The following KCNB2 variants were observed in gnomAD, a reference collection of about 807,000 sequenced individuals.
KCNB2 encodes potassium voltage-gated channel subfamily B member 2.
In KCNB2, 15 loss-of-function variants were observed where a neutral mutation model predicts 61.5. The observed-to-expected ratio is 0.24, with a 90% confidence interval of 0.16 to 0.38. The LOEUF is 0.38. Among genes scored for constraint, KCNB2 ranks in the 10% least tolerant of loss-of-function variants. The probability of loss-of-function intolerance (pLI) is 1.00; values close to 1 mark genes in which losing one functional copy is unlikely to be tolerated. For missense variants in KCNB2, 828 were observed against 1,125.2 expected (o/e 0.74, Z 3.78); for synonymous variants, 457 against 446.0 (o/e 1.02, Z -0.31).
At chr8:72,702,407 G>C (rs1807148160) in intron 2 of KCNB2, among the ~76,000 whole-genome samples, 1 of 152,162 alleles carries the variant, frequency 6.6e-6, no homozygotes, top group Admixed American at 6.6e-5. Context: ...GCAGTATGGA[G>C]TCTGTACCAG....
At chr8:72,784,838 C>A (rs1024353797) in intron 2 of KCNB2, among the ~76,000 whole-genome samples, 3 of 152,112 alleles carry the variant, frequency 2.0e-5, no homozygotes, top group African/African-American at 7.2e-5. Flanking sequence ...AGGGACTATT[C>A]GTCTTTATTT....
At chr8:72,571,792 C>T (rs994742677) in intron 2 of KCNB2, among the ~76,000 whole-genome samples, 2 of 152,124 alleles carry the variant, frequency 1.3e-5, no homozygotes, top group Non-Finnish European at 2.9e-5. Context: ...TTCATAGGAT[C>T]GTGCAAGGGG....
intron 2 of KCNB2, among the ~76,000 whole-genome samples, chr8:72,630,746 C>T (rs142056661): frequency 6.6e-6 from 1 of 152,134 alleles, no homozygotes; most frequent in East Asian, 1.9e-4. Flanking sequence ...GTAACCTATA[C>T]CTAAAGTTTT....
chr8:72,553,198 A>G (rs1004157274), intron 1 of KCNB2, among the ~76,000 whole-genome samples: 41 of 152,186 alleles, frequency 2.7e-4, no homozygotes, highest in African/African-American at 9.6e-4. Flanking sequence ...AATAATTTCA[A>G]TATCAATATA....
At chr8:72,885,208 C>G (rs1306795363) in intron 2 of KCNB2, among the ~76,000 whole-genome samples, 2 of 152,058 alleles carry the variant, frequency 1.3e-5, no homozygotes, top group Non-Finnish European at 2.9e-5. Flanking sequence ...GTCATACATA[C>G]TACTGACCTA....
intron 2 of KCNB2, among the ~76,000 whole-genome samples, chr8:72,785,771 G>T (rs117076680): frequency 6.6e-6 from 1 of 152,204 alleles, no homozygotes; most frequent in Non-Finnish European, 1.5e-5. Flanking sequence ...GGTTTAAATA[G>T]ATTCAGGAAC....
At chr8:72,868,274 A>G (rs1805563813) in intron 2 of KCNB2, among the ~76,000 whole-genome samples, 2 of 151,216 alleles carry the variant, frequency 1.3e-5, no homozygotes, top group South Asian at 2.1e-4. Context: ...CATGCTTTCC[A>G]ATTCTAATAA....
intron 2 of KCNB2, among the ~76,000 whole-genome samples, chr8:72,899,729 T>C (rs1806054465): frequency 1.3e-5 from 2 of 151,962 alleles, no homozygotes; most frequent in African/African-American, 4.8e-5. Context: ...AAATCAGAGA[T>C]CACATAAATA....
Position 72,785,881 on chromosome 8 carries a change from A to G in KCNB2, c.580-150054A>G, listed in dbSNP as rs201573313. 3.3e-5 allele frequency among the ~76,000 whole-genome samples: 5 copies of G among 152,260 alleles called. No homozygotes were observed. The East Asian group carries it at 9.6e-4, about 29-fold the overall frequency. On this transcript the variant is annotated intron_variant, in intron 2 of 2. Transcript: ENST00000523207. ...CTGAATGAGACACATCATGGGTTTC[A>G]TATTTAATGATATATTTCCCCATAA...
At chr8:72,625,622 G>A (rs974828236) in intron 2 of KCNB2, among the ~76,000 whole-genome samples, 1 of 151,968 alleles carries the variant, frequency 6.6e-6, no homozygotes, top group Admixed American at 6.6e-5. Flanking sequence ...CTAGAGACAG[G>A]GTCTCACTTT....
intron 2 of KCNB2, among the ~76,000 whole-genome samples, chr8:72,668,876 A>G (rs768834786): frequency 1.3e-5 from 2 of 152,062 alleles, no homozygotes; most frequent in South Asian, 4.1e-4. Flanking sequence ...TTCAAAAGAC[A>G]TTTGTCGAAT....
intron 2 of KCNB2, among the ~76,000 whole-genome samples, chr8:72,913,110 TA>T (rs1231808348): frequency 2.0e-5 from 3 of 152,096 alleles, no homozygotes; most frequent in African/African-American, 7.2e-5. Context: ...AAAGTGAATA[TA>T]AGTAAAAAGA....
Position 72,937,919 on chromosome 8 carries a change from C to T in KCNB2, c.2564C>T (p.Ser855Phe). The change falls in exon 3 of 3, where the codon TCC (serine) becomes TTC (phenylalanine). Residue 855 changes from serine (S) to phenylalanine (F), a missense_variant. Around this residue, in one of 4 missense-constraint regions of KCNB2, gnomAD observed 559 missense variants for 588.4 expected, o/e 0.95. Transcript: ENST00000523207. ...GAAGAGGGCAGTGTGGGCTCTTCCT[C>T]CCCGCAGGACACAGGTCACAACTGT... Reference protein sequence around the residue: ...LREEGSVGSSSPQDTGHNCRQ... With the variant: ...LREEGSVGSSFPQDTGHNCRQ... The T allele has an allele frequency of 6.2e-7, 1 of 1,614,092 alleles. No individual in the cohort carries two copies. Among genetic ancestry groups the T allele is most frequent in the African/African-American group, 1.3e-5 (1 of 75,030 alleles).
At chr8:72,654,438 G>T (rs1006554660) in intron 2 of KCNB2, among the ~76,000 whole-genome samples, 4 of 152,106 alleles carry the variant, frequency 2.6e-5, no homozygotes, top group Middle Eastern at 3.2e-3. Flanking sequence ...ATCTCTAGAA[G>T]AGTGCAACAT....
intron 2 of KCNB2, among the ~76,000 whole-genome samples, chr8:72,934,734 G>A (rs1277614928): frequency 2.0e-5 from 3 of 152,018 alleles, no homozygotes; most frequent in South Asian, 2.1e-4. Context: ...ATGAAACCAA[G>A]CCAGACCTAA....
chr8:72,936,927 G>A lies in KCNB2; in HGVS notation c.1572G>A (p.Leu524=), dbSNP rs1806916218. ...EVSQKDSHEQ[L]NNTSSSSPQH... is the part of the protein sequence containing the mutation. ...GCCAAAAAGACTCCCACGAGCAGCTGAACAACACGTCTTCCTCCAGCCCAC... is the reference window on the plus strand; with the variant it reads ...GCCAAAAAGACTCCCACGAGCAGCTAAACAACACGTCTTCCTCCAGCCCAC... Residue 524 remains leucine (L), a synonymous_variant, in exon 3 of 3, where the codon CTG becomes CTA. Coordinates refer to ENST00000523207, the MANE Select transcript of KCNB2 (RefSeq NM_004770.3). The surrounding 1 kb of genome is among the most constrained non-coding windows in gnomAD (Gnocchi z 5.6). The A allele has an allele frequency of 6.2e-7, 1 of 1,614,150 alleles. No individual in the cohort carries two copies. Among genetic ancestry groups the A allele is most frequent in the East Asian group, 2.2e-5 (1 of 44,882 alleles).
At chr8:72,740,115 C>G (rs1385058192) in intron 2 of KCNB2, among the ~76,000 whole-genome samples, 1 of 152,116 alleles carries the variant, frequency 6.6e-6, no homozygotes, top group African/African-American at 2.4e-5. Context: ...TATCTTCTTT[C>G]TAAATTTGCT....
At chr8:72,633,407 A>T (rs1346337008) in intron 2 of KCNB2, among the ~76,000 whole-genome samples, 1 of 152,132 alleles carries the variant, frequency 6.6e-6, no homozygotes, top group East Asian at 1.9e-4. Context: ...AATCCAGGAT[A>T]ATCTCCCTAT....
chr8:72,882,545 G>GAGAGAGAGAGAGAGAGAA (rs1563412305), intron 2 of KCNB2, among the ~76,000 whole-genome samples: 1 of 151,380 alleles, frequency 6.6e-6, no homozygotes, highest in Non-Finnish European at 1.5e-5. Context: ...GAGAGAGAGA[G>GAGAGAGAGAGAGAGAGAA]AGAGAGAGAG....
Sources: allele counts gnomAD v4.1 joint callset (sites outside exome capture counted in the v4.1 genomes callset), GRCh38; gene constraint gnomAD v4.1.1; regional missense constraint gnomAD v4.1.1; non-coding constraint Gnocchi (gnomAD v3.1); transcripts MANE v1.5; gene names NCBI Gene and HGNC (gene_info 2026-07-23, HGNC 2026-07-21).